ZNF423: variants seen among roughly 807,000 people sequenced by gnomAD.
ZNF423 encodes the protein zinc finger protein 423, also known as Ebf-associated zinc finger protein.
ZNF423 carries 12 observed loss-of-function variants against 95.8 expected under a neutral mutation model. The observed-to-expected ratio is 0.13, with a 90% CI of 0.08 to 0.20. The LOEUF (loss-of-function observed/expected upper bound fraction) is 0.20, where lower values mean the gene tolerates loss of function less well. Ranked by LOEUF, ZNF423 falls within the 10% of genes least tolerant of loss-of-function variation. The probability of loss-of-function intolerance (pLI) is 1.00; values close to 1 mark genes in which losing one functional copy is unlikely to be tolerated. For missense variants in ZNF423, 1,316 were observed against 1,737.1 expected (o/e 0.76, Z 4.31); for synonymous variants, 749 against 711.9 (o/e 1.05, Z -0.83).
At chr16:49,817,724 A>C (rs560439200) in intron 1 of ZNF423, among the ~76,000 whole-genome samples, 8 of 152,096 alleles carry the variant, frequency 5.3e-5, no homozygotes, top group Non-Finnish European at 1.0e-4. Context: ...CAAGACCACC[A>C]TGTCACTTAT....
At chr16:49,831,165 C>T (rs2035056891) in intron 1 of ZNF423, among the ~76,000 whole-genome samples, 1 of 152,066 alleles carries the variant, frequency 6.6e-6, no homozygotes, top group African/African-American at 2.4e-5. Flanking sequence ...AAGACTGAGG[C>T]AGGGGGAGAA....
chr16:49,849,226 C>T (rs146357171), intron 1 of ZNF423, among the ~76,000 whole-genome samples: 1 of 152,122 alleles, frequency 6.6e-6, no homozygotes, highest in Non-Finnish European at 1.5e-5. Flanking sequence ...CCCTTCTACC[C>T]TTCTACATGA....
Position 49,739,695 on chromosome 16 carries a change from G to GTT in ZNF423, c.101-8725_101-8724insAA, listed in dbSNP as rs1567321248. On this transcript the variant is annotated intron_variant, in intron 2 of 7. Coordinates refer to ENST00000563137, the MANE Select transcript of ZNF423 (RefSeq NM_001379286.1). ...CACGTTTGTTTTTTTGTTTTTGTTT[G>GTT]GTTTTTTTTTTTTTTTTTTTGGAGA... is the stretch of plus-strand genomic sequence containing the variant. Among the ~76,000 whole-genome samples the GTT allele has an allele frequency of 8.3e-5, 11 of 132,722 alleles. 4 individuals carry two copies. The highest frequency in any genetic ancestry group is 2.2e-4 in the East Asian group (1 of 4,546). The allele number at this position is 132,722 out of a possible 152,430, so 87.1% of individuals were successfully genotyped here. A position where few individuals can be genotyped will look rare whatever the true frequency, so the allele number is the denominator to read the frequency against.
At chr16:49,650,118 G>C (rs778192883) in intron 3 of ZNF423, among the ~76,000 whole-genome samples, 12 of 152,232 alleles carry the variant, frequency 7.9e-5, no homozygotes, top group Non-Finnish European at 1.6e-4. Flanking sequence ...AGCTCTGGGG[G>C]CTGCTGAAAT....
At chr16:49,840,888 G>A (rs763211707) in intron 1 of ZNF423, among the ~76,000 whole-genome samples, 48 of 152,276 alleles carry the variant, frequency 3.2e-4, no homozygotes, top group Admixed American at 1.0e-3. Context: ...CCACACAGCC[G>A]CTTCCCTGAG....
chr16:49,708,398 C>A (rs1247739646), intron 3 of ZNF423, among the ~76,000 whole-genome samples: 5 of 151,986 alleles, frequency 3.3e-5, no homozygotes, highest in African/African-American at 4.8e-5. Context: ...AGGGTTCAAC[C>A]GCCTCAGCCT....
chr16:49,493,714 T>C (rs1256154860), intron 7 of ZNF423, among the ~76,000 whole-genome samples: 1 of 151,962 alleles, frequency 6.6e-6, no homozygotes, highest in Non-Finnish European at 1.5e-5. Context: ...AATGAGTCAA[T>C]GGAAAGAAAA....
chr16:49,615,112 C>T (rs990349779), intron 5 of ZNF423, among the ~76,000 whole-genome samples: 2 of 134,770 alleles, frequency 1.5e-5, no homozygotes, highest in African/African-American at 6.3e-5. Flanking sequence ...GCCTGGGCAA[C>T]AAGAAAGAAA....
At position 49,638,435 on chromosome 16, in the gene ZNF423, G is replaced by T; in HGVS notation, c.741C>A (p.Ser247Arg). 1 of 1,613,916 alleles carries T rather than the reference G, an allele frequency of 6.2e-7. No individual in the cohort carries two copies. Among genetic ancestry groups the T allele is most frequent in the Non-Finnish European group, 8.5e-7 (1 of 1,180,040 alleles). Reference protein sequence around the residue: ...RGFSSTSSLQSHMQAHKKNKE... With the variant: ...RGFSSTSSLQRHMQAHKKNKE... ...TGTTCTTTTTGTGGGCCTGCATGTG[G>T]CTCTGCAGCGAGCTGGTGGAGGAGA... Residue 247 changes from serine to arginine, a missense_variant, in exon 4 of 8, where the codon AGC (serine) becomes AGA (arginine). By Grantham distance (110) the Ser-to-Arg change is moderately radical (BLOSUM62 -1). Coordinates refer to ENST00000563137, the MANE Select transcript of ZNF423 (RefSeq NM_001379286.1). This position sits in a 1 kb window ranked among gnomAD's most constrained non-coding sequence, Gnocchi z 5.6.
intron 5 of ZNF423, among the ~76,000 whole-genome samples, chr16:49,565,411 G>T (rs752540049): frequency 3.4e-4 from 52 of 152,148 alleles, no homozygotes; most frequent in Admixed American, 9.2e-4. Context: ...AAGCCAAAAG[G>T]CTTCTTCAAA....
intron 4 of ZNF423, among the ~76,000 whole-genome samples, chr16:49,630,053 G>T (rs142637151): frequency 6.6e-6 from 1 of 152,284 alleles, no homozygotes; most frequent in South Asian, 2.1e-4. Context: ...TGGGGGATTC[G>T]CTGTGTCCTG....
rs1210962364 is a variant in ZNF423 at position 49,603,904 on chromosome 16, AG to A, written c.3601+22265del. On this transcript the variant is annotated intron_variant, in intron 5 of 7. Transcript: ENST00000563137. This position sits in a 1 kb window ranked among gnomAD's most constrained non-coding sequence, Gnocchi z 4.1. ...AGTCCCCTTGTGGCTTGCCAGGAGC[AG>A]GGGTAGGGCTTGGAGAGCCCTGGGG... is the stretch of plus-strand genomic sequence containing the variant. Among the ~76,000 whole-genome samples the A allele has an allele frequency of 6.6e-6, 1 of 152,196 alleles. No individual in the cohort carries two copies. The highest frequency in any genetic ancestry group is 1.5e-5 in the Non-Finnish European group (1 of 68,040).
At chr16:49,742,913 A>C (rs2033444222) in intron 2 of ZNF423, among the ~76,000 whole-genome samples, 1 of 152,132 alleles carries the variant, frequency 6.6e-6, no homozygotes, top group African/African-American at 2.4e-5. Context: ...GGATAAACAG[A>C]GGCGGTGTGA....
At chr16:49,521,148 G>C (rs963323885) in intron 7 of ZNF423, among the ~76,000 whole-genome samples, 1 of 152,172 alleles carries the variant, frequency 6.6e-6, no homozygotes, top group Non-Finnish European at 1.5e-5. Context: ...TAGGCCCCCA[G>C]CCCAGTGACA....
In ZNF423 at chr16:49,786,960, CA is replaced by C. The variant is rs569136793; in HGVS notation, c.100+2526del. 3.5e-4 allele frequency among the ~76,000 whole-genome samples: 54 copies of C among 152,350 alleles called. No individual in the cohort carries two copies. The East Asian group carries it at 8.1e-3, about 23-fold the overall frequency. ...TTCACCAGGCCTTTGGCCCTGGTGTCAACCAGATGGCTGTCCCTAAACCAAG... is the reference window on the plus strand; with the variant it reads ...TTCACCAGGCCTTTGGCCCTGGTGTCACCAGATGGCTGTCCCTAAACCAAG... On this transcript the variant is annotated intron_variant, in intron 2 of 7. Coordinates refer to ENST00000563137, the MANE Select transcript of ZNF423 (RefSeq NM_001379286.1).
intron 1 of ZNF423, among the ~76,000 whole-genome samples, chr16:49,839,815 TC>T (rs1164622243): frequency 3.3e-5 from 5 of 151,770 alleles, no homozygotes; most frequent in Non-Finnish European, 5.9e-5. Context: ...CCTCCCAGCC[TC>T]CCAAAGCATC....
At position 49,522,277 on chromosome 16, in the gene ZNF423, G is replaced by A. The variant is rs186608174; in HGVS notation, c.3849+1347C>T. On this transcript the variant is annotated intron_variant, in intron 7 of 7. Coordinates refer to ENST00000563137, the MANE Select transcript of ZNF423 (RefSeq NM_001379286.1). ...CCGCTTTGAGGTTGGGCATGCCCGC[G>A]GGACTTACTCTAGTCAACACAATGT... Among the ~76,000 whole-genome samples, 3 of 152,332 alleles carry A rather than the reference G, an allele frequency of 2.0e-5. No homozygotes were observed. In the East Asian group the frequency reaches 5.8e-4, roughly 29 times the overall value.
chr16:49,642,392 C>T (rs1355722400), intron 3 of ZNF423, among the ~76,000 whole-genome samples: 6 of 152,104 alleles, frequency 3.9e-5, no homozygotes, highest in African/African-American at 1.4e-4. Context: ...TTAACCTGCC[C>T]GGCACCAGAG....
At chr16:49,630,290 C>G (rs1378662555) in intron 4 of ZNF423, among the ~76,000 whole-genome samples, 1 of 152,186 alleles carries the variant, frequency 6.6e-6, no homozygotes, top group Non-Finnish European at 1.5e-5. Context: ...GGGCCATGGT[C>G]GTGGAGATGA....
Sources: gnomAD v4.1 joint callset for allele counts (sites outside exome capture counted in the v4.1 genomes callset) on GRCh38, gnomAD v4.1.1 for gene constraint, Gnocchi (gnomAD v3.1) non-coding constraint, MANE v1.5 for transcripts, NCBI Gene and HGNC (gene_info 2026-07-23, HGNC 2026-07-21) for gene names.